The following ZZZ3 variants were observed in gnomAD, a reference collection of about 807,000 sequenced individuals.
ZZZ3 encodes ZZ-type zinc finger-containing protein 3.
A neutral mutation model predicts 95.2 loss-of-function variants in ZZZ3; 22 were observed. The observed-to-expected ratio is 0.23, with a 90% confidence interval of 0.17 to 0.33. The LOEUF (loss-of-function observed/expected upper bound fraction) is 0.33, where lower values mean the gene tolerates loss of function less well. ZZZ3 is among the 10% of genes least tolerant of loss of function. The pLI, the probability that ZZZ3 is intolerant of heterozygous loss-of-function variation, is 1.00. For synonymous variants in ZZZ3, 335 were observed against 358.9 expected, an observed-to-expected ratio of 0.93 and a Z score of 0.75; for missense variants, 885 against 1,066.5, an observed-to-expected ratio of 0.83 and a Z score of 2.37.
At chr1:77,624,718 T>C (rs1667186382) in intron 5 of ZZZ3, among the ~76,000 whole-genome samples, 1 of 152,184 alleles carries the variant, frequency 6.6e-6, no homozygotes, top group African/African-American at 2.4e-5. Context: ...TGAGCCACTC[T>C]AGCAAATTAT....
intron 5 of ZZZ3, among the ~76,000 whole-genome samples, chr1:77,620,076 A>G (rs1372025533): frequency 6.6e-6 from 1 of 152,180 alleles, no homozygotes; most frequent in Non-Finnish European, 1.5e-5. Context: ...AGGAGCAACT[A>G]ATAATCAGGC....
intron 12 of ZZZ3, among the ~76,000 whole-genome samples, chr1:77,571,628 A>G (rs994716772): frequency 6.6e-6 from 1 of 152,230 alleles, no homozygotes; most frequent in Non-Finnish European, 1.5e-5. Flanking sequence ...GATACATGCT[A>G]CAAAATGGAT....
intron 5 of ZZZ3, among the ~76,000 whole-genome samples, chr1:77,594,241 T>C (rs1431392123): frequency 7.2e-5 from 11 of 152,146 alleles, no homozygotes; most frequent in Non-Finnish European, 1.5e-4. Context: ...ATAATAACTT[T>C]TCTCTCACAA....
At chr1:77,575,581 A>C (rs1033726109) in intron 12 of ZZZ3, among the ~76,000 whole-genome samples, 1 of 152,222 alleles carries the variant, frequency 6.6e-6, no homozygotes, top group Non-Finnish European at 1.5e-5. Context: ...AAAATTCTAT[A>C]AGACAAATGA....
At chr1:77,581,676 GTGAAAGAC>G in intron 8 of ZZZ3, 92 bp downstream of exon 8, 1 of 937,980 alleles carries the variant, frequency 1.1e-6, no homozygotes, top group Non-Finnish European at 1.6e-6. Flanking sequence ...TTATCTTCCA[GTGAAAGAC>G]TGCTTTAATT....
chr1:77,577,679 A>T (rs1257159122), intron 11 of ZZZ3, among the ~76,000 whole-genome samples: 2 of 152,230 alleles, frequency 1.3e-5, no homozygotes, highest in Non-Finnish European at 2.9e-5. Context: ...GAAAAGTAAC[A>T]GGATAACTTA....
chr1:77,632,532 C>G lies in ZZZ3; in HGVS notation c.823G>C (p.Val275Leu), dbSNP rs1238355249. The change falls in exon 5 of 15, where the codon GTC becomes CTC. Residue 275 changes from valine to leucine, a missense_variant. Around this residue, in one of 5 missense-constraint regions of ZZZ3, gnomAD observed 556 missense variants for 652.9 expected, o/e 0.85. Coordinates refer to ENST00000370801, the MANE Select transcript of ZZZ3 (RefSeq NM_015534.6). ...KVPCTDSQVQ[V>L]KLEDHKIVTA... ...ACTATTTTGTGGTCCTCCAACTTGA[C>G]CTGCACTTGTGAATCTGTGCAAGGC... The G allele has an allele frequency of 3.7e-6, 6 of 1,614,176 alleles. No individual in the cohort carries two copies. In the African/African-American group the frequency reaches 6.7e-5, roughly 18 times the overall value.
At chr1:77,606,659 G>C (rs1665264641) in intron 5 of ZZZ3, among the ~76,000 whole-genome samples, 1 of 152,220 alleles carries the variant, frequency 6.6e-6, no homozygotes, top group South Asian at 2.1e-4. Flanking sequence ...CTATTTGAGA[G>C]AAAGTAAGGG....
intron 1 of ZZZ3, among the ~76,000 whole-genome samples, chr1:77,679,881 G>C (rs1255019548): frequency 1.3e-5 from 2 of 151,804 alleles, no homozygotes; most frequent in East Asian, 3.9e-4. Context: ...AAATAATTTC[G>C]TGTCTGTAAA....
intron 5 of ZZZ3, among the ~76,000 whole-genome samples, chr1:77,586,029 T>G (rs540057339): frequency 2.8e-4 from 42 of 152,344 alleles, no homozygotes; most frequent in African/African-American, 9.9e-4. Context: ...GTGGGAAAGG[T>G]AGAGCTATAC....
At chr1:77,605,731 T>C (rs1408295893) in intron 5 of ZZZ3, among the ~76,000 whole-genome samples, 1 of 152,074 alleles carries the variant, frequency 6.6e-6, no homozygotes, top group African/African-American at 2.4e-5. Context: ...AGACACACCC[T>C]GGGCCAGAAA....
chr1:77,587,398 G>A (rs1248361115), intron 5 of ZZZ3, among the ~76,000 whole-genome samples: 1 of 151,766 alleles, frequency 6.6e-6, no homozygotes, highest in African/African-American at 2.4e-5. Flanking sequence ...CTGAGTAGGT[G>A]GGACTACAGG....
chr1:77,575,664 T>C (rs943667136), intron 12 of ZZZ3, among the ~76,000 whole-genome samples: 9 of 152,196 alleles, frequency 5.9e-5, no homozygotes, highest in Non-Finnish European at 1.2e-4. Flanking sequence ...CCTATTGTGA[T>C]TTATGGGCTT....
intron 5 of ZZZ3, among the ~76,000 whole-genome samples, chr1:77,624,002 G>A (rs1236053120): frequency 6.6e-6 from 1 of 151,892 alleles, no homozygotes; most frequent in African/African-American, 2.4e-5. Flanking sequence ...CTGATAACAT[G>A]AAACAACACA....
intron 5 of ZZZ3, among the ~76,000 whole-genome samples, chr1:77,587,324 G>C (rs955362873): frequency 6.9e-6 from 1 of 145,422 alleles, no homozygotes; most frequent in African/African-American, 2.6e-5. Flanking sequence ...GTGGGCAGTG[G>C]TGTGATCTCG....
intron 5 of ZZZ3, among the ~76,000 whole-genome samples, chr1:77,605,837 C>T (rs562207177): frequency 4.6e-5 from 7 of 152,162 alleles, no homozygotes; most frequent in Non-Finnish European, 7.3e-5. Flanking sequence ...AGCAGTGACA[C>T]GCAGGTAGTA....
At position 77,568,359 on chromosome 1, in the gene ZZZ3, A is replaced by G. The variant is rs776133148; in HGVS notation, c.2439T>C (p.Ser813=). The G allele has an allele frequency of 6.3e-7, 1 of 1,592,230 alleles. No homozygotes were observed. The highest frequency in any genetic ancestry group is 1.8e-5 in the Admixed American group (1 of 54,242). Residue 813 remains serine (S), a synonymous_variant, in exon 13 of 15, where the codon AGT becomes AGC. Transcript: ENST00000370801. ...KQKLQQMQAE[S]GFVQHVGFKC... ...TAAAGCCCACATGTTGCACAAATCC[A>G]CTTTCAGCTTGCATTTGCTGAAGTT...
rs893691851 is a variant in ZZZ3, at chr1:77,584,460, C to A, written c.1644+57G>T. On this transcript the variant is annotated intron_variant, in intron 6 of 14. Coordinates refer to ENST00000370801, the MANE Select transcript of ZZZ3 (RefSeq NM_015534.6). The stretch of plus-strand genomic sequence containing the variant: ...CCCATAAAAAAGAATTAACCAAATT[C>A]TCTTAAGCTATTCCCAAATAGATCT... 1.9e-5 allele frequency: 29 copies of A among 1,528,436 alleles called. No individual in the cohort carries two copies. The Admixed American group carries it at 2.7e-4, about 14-fold the overall frequency. 94.7% of individuals were successfully genotyped at this position (1,528,436 alleles called of 1,614,324 possible). A position where few individuals can be genotyped will look rare whatever the true frequency, so the allele number is the denominator to read the frequency against.
chr1:77,601,007 C>G (rs1432329006), intron 5 of ZZZ3, among the ~76,000 whole-genome samples: 1 of 152,034 alleles, frequency 6.6e-6, no homozygotes, highest in Admixed American at 6.6e-5. Flanking sequence ...CACATCAGAA[C>G]AAGAAGAATG....
Sources: gnomAD v4.1 joint callset for allele counts (sites outside exome capture counted in the v4.1 genomes callset) on GRCh38, gnomAD v4.1.1 for gene constraint, gnomAD v4.1.1 regional missense constraint, MANE v1.5 for transcripts, NCBI Gene and HGNC (gene_info 2026-07-23, HGNC 2026-07-21) for gene names.